The following CUBN variants were observed in gnomAD, a reference collection of about 807,000 sequenced individuals.
The protein encoded by CUBN is cubilin.
A neutral mutation model predicts 405.3 loss-of-function variants in CUBN; 282 were observed. The observed-to-expected ratio is 0.70, with a 90% CI of 0.63 to 0.77. The LOEUF (loss-of-function observed/expected upper bound fraction) is 0.77. Ranked by LOEUF, CUBN falls within the 30% of genes least tolerant of loss-of-function variation. The pLI is 0.00. For missense variants in CUBN, 4,514 were observed against 4,475.2 expected (o/e 1.01, Z -0.25); for synonymous variants, 1,684 against 1,617.0 (o/e 1.04, Z -0.99).
Position 17,123,617 on chromosome 10 carries a change from A to T in CUBN, c.460T>A (p.Phe154Ile), listed in dbSNP as rs1206797693. The change falls in exon 5 of 67, where the codon TTT (phenylalanine) becomes ATT (isoleucine). Residue 154 changes from phenylalanine (F) to isoleucine (I), a missense_variant. Transcript: ENST00000377833. ...CACTGTGGGGGACAGATACAAAAAA[A>T]GGAATCATGCAGATTGAGGCAGGTT... ...GGTCLNLHDS[F>I]FCICPPQWKG... is the part of the protein sequence containing the mutation. 1 of 1,613,864 alleles carries T rather than the reference A, an allele frequency of 6.2e-7. No homozygotes were observed. Among genetic ancestry groups the T allele is most frequent in the Admixed American group, 1.7e-5 (1 of 59,998 alleles).
intron 4 of CUBN, among the ~76,000 whole-genome samples, chr10:17,125,920 C>T (rs1432471551): frequency 6.6e-6 from 1 of 152,160 alleles, no homozygotes; most frequent in Non-Finnish European, 1.5e-5. Context: ...AAAAGGAATA[C>T]ACGAACTTGA....
chr10:16,910,733 C>A (rs1423955971), intron 48 of CUBN, among the ~76,000 whole-genome samples: 5 of 151,446 alleles, frequency 3.3e-5, no homozygotes, highest in African/African-American at 1.2e-4. Flanking sequence ...AAATGAGCAA[C>A]ACAAAACTTC....
At chr10:16,990,927 G>T (rs1398365444) in intron 28 of CUBN, among the ~76,000 whole-genome samples, 2 of 152,166 alleles carry the variant, frequency 1.3e-5, no homozygotes, top group Non-Finnish European at 2.9e-5. Context: ...CAGTGTCCTT[G>T]TAGCTAATAC....
chr10:16,945,690 C>A (rs191583449), intron 36 of CUBN, among the ~76,000 whole-genome samples: 1 of 150,924 alleles, frequency 6.6e-6, no homozygotes, highest in Non-Finnish European at 1.5e-5. Context: ...ATAGCTTAAA[C>A]CCCGGAGGCG....
At chr10:17,075,084 T>C (rs1288745140) in intron 17 of CUBN, among the ~76,000 whole-genome samples, 1 of 134,534 alleles carries the variant, frequency 7.4e-6, no homozygotes, top group South Asian at 2.6e-4. Context: ...TTTTTTTTTT[T>C]TTTTTTTTTT....
chr10:16,993,936 T>C (rs1833661576), intron 28 of CUBN, among the ~76,000 whole-genome samples: 1 of 152,210 alleles, frequency 6.6e-6, no homozygotes, highest in Admixed American at 6.5e-5. Context: ...TCACTACCTC[T>C]GAGGATTAAC....
intron 53 of CUBN, 59 bp from the exon 54 acceptor site, chr10:16,899,242 A>C (rs1841286582): frequency 5.6e-5 from 70 of 1,254,818 alleles, no homozygotes; most frequent in Non-Finnish European, 7.6e-5. Flanking sequence ...TTGGAAACTC[A>C]AGACTGCTAC....
At chr10:16,902,646 C>T (rs942837035) in intron 51 of CUBN, among the ~76,000 whole-genome samples, 7 of 152,080 alleles carry the variant, frequency 4.6e-5, no homozygotes, top group Admixed American at 3.3e-4. Context: ...GGTTATAACA[C>T]AAAGGAATGT....
At chr10:16,915,309 G>C (rs1343486538) in intron 46 of CUBN, 137 bp from the exon 47 acceptor site, 2 of 1,028,232 alleles carry the variant, frequency 1.9e-6, no homozygotes, top group Non-Finnish European at 2.9e-6. Context: ...TCTCTGTCAA[G>C]ACAACAGGAA....
At chr10:16,825,549 TAAGTA>T (rs1177554232) in intron 66 of CUBN, among the ~76,000 whole-genome samples, 1 of 152,182 alleles carries the variant, frequency 6.6e-6, no homozygotes, top group African/African-American at 2.4e-5. Flanking sequence ...ATGATCCTAT[TAAGTA>T]AAATATAGTA....
At chr10:17,099,904 C>A in intron 14 of CUBN, 101 bp downstream of exon 14, 1 of 701,142 alleles carries the variant, frequency 1.4e-6, no homozygotes, top group Non-Finnish European at 2.6e-6. Context: ...TATATATCTT[C>A]AGATCCCAAA....
chr10:17,083,715 C>A (rs865902497), intron 17 of CUBN, among the ~76,000 whole-genome samples: 33 of 152,168 alleles, frequency 2.2e-4, no homozygotes, highest in South Asian at 1.0e-3. Flanking sequence ...ATTGTAAATT[C>A]TTCTCTAGTT....
At chr10:16,954,641 A>G (rs1160254105) in intron 31 of CUBN, 93 bp from the exon 32 acceptor site, 4 of 1,333,040 alleles carry the variant, frequency 3.0e-6, no homozygotes, top group East Asian at 4.9e-5. Flanking sequence ...ATACTAGTGG[A>G]TAATCACACG....
intron 39 of CUBN, among the ~76,000 whole-genome samples, chr10:16,934,960 C>G (rs1842458985): frequency 6.6e-6 from 1 of 152,174 alleles, no homozygotes; most frequent in African/African-American, 2.4e-5. Flanking sequence ...TGAGCTTTTC[C>G]TGACTGACAC....
intron 59 of CUBN, among the ~76,000 whole-genome samples, chr10:16,859,886 T>C (rs934285099): frequency 3.3e-5 from 5 of 152,114 alleles, no homozygotes; most frequent in African/African-American, 9.7e-5. Context: ...ATACTTGGCA[T>C]AGATAGCACA....
In CUBN at chr10:17,084,530, A is replaced by G. The variant is rs1272605468; in HGVS notation, c.2111-69T>C. 5.4e-6 allele frequency: 7 copies of G among 1,292,950 alleles called. No individual in the cohort carries two copies. In the South Asian group the frequency reaches 6.3e-5, roughly 12 times the overall value. The allele number at this position is 1,292,950 out of a possible 1,614,324, so 80.1% of individuals were successfully genotyped here. A position where few individuals can be genotyped will look rare whatever the true frequency, so the allele number is the denominator to read the frequency against. ...CTCTGGCTTGCAGGCATTGGATCCA[A>G]TTTCTAAAAATTTACCCACACACAC... On this transcript the variant is annotated intron_variant, in intron 16 of 66. Coordinates refer to ENST00000377833, the MANE Select transcript of CUBN (RefSeq NM_001081.4).
intron 66 of CUBN, 21 bp downstream of exon 66, chr10:16,828,784 T>C (rs1331221658): frequency 1.9e-6 from 3 of 1,539,502 alleles, no homozygotes; most frequent in Non-Finnish European, 2.7e-6. Flanking sequence ...AATGGGAATA[T>C]AAAATGTTTG....
At chr10:17,087,466 C>CATTTTTT in intron 15 of CUBN, among the ~76,000 whole-genome samples, 1 of 79,790 alleles carries the variant, frequency 1.3e-5, no homozygotes, top group Non-Finnish European at 2.3e-5. Context: ...TATTATTTTT[C>CATTTTTT]TTTTTCTTTT....
intron 27 of CUBN, among the ~76,000 whole-genome samples, chr10:17,029,785 T>C (rs936326665): frequency 6.6e-6 from 1 of 152,206 alleles, no homozygotes; most frequent in Non-Finnish European, 1.5e-5. Context: ...CAAAATCTCA[T>C]CTGCTTCTCT....
Sources: gnomAD v4.1 joint callset for allele counts (sites outside exome capture counted in the v4.1 genomes callset) on GRCh38, gnomAD v4.1.1 for gene constraint, MANE v1.5 for transcripts, NCBI Gene and HGNC (gene_info 2026-07-23, HGNC 2026-07-21) for gene names.